The following PLEKHH1 variants were observed in gnomAD, a reference collection of about 807,000 sequenced individuals.
PLEKHH1 encodes the protein pleckstrin homology, MyTH4 and FERM domain containing H1, also known as pleckstrin homology domain-containing family H member 1.
Under a neutral mutation model 160.0 loss-of-function variants are expected in PLEKHH1, and 104 were observed. The ratio of observed to expected loss-of-function variants is 0.65; its 90% confidence interval spans 0.55 to 0.76. The LOEUF (loss-of-function observed/expected upper bound fraction) is 0.76, where lower values mean the gene tolerates loss of function less well. Ranked by LOEUF, PLEKHH1 falls within the 30% of genes least tolerant of loss-of-function variation. PLEKHH1 has a pLI of 0.00. For synonymous variants in PLEKHH1, 619 were observed against 678.4 expected, an observed-to-expected ratio of 0.91 and a Z score of 1.36; for missense variants, 1,427 against 1,724.1, an observed-to-expected ratio of 0.83 and a Z score of 3.05.
At chr14:67,577,499 C>A in intron 18 of PLEKHH1, 85 bp downstream of exon 18, 1 of 858,830 alleles carries the variant, frequency 1.2e-6, no homozygotes, top group South Asian at 1.4e-5. Context: ...GGACAACCCA[C>A]AGAGGGATCT....
At position 67,586,719 on chromosome 14, in the gene PLEKHH1, T is replaced by G. The variant is rs2036181298; in HGVS notation, c.3934-355T>G. 1.2e-5 allele frequency: 12 copies of G among 966,322 alleles called. No individual in the cohort carries two copies. The South Asian group carries it at 1.8e-4, about 15-fold the overall frequency. 59.9% of individuals were successfully genotyped at this position (966,322 alleles called of 1,614,324 possible). ...TCCTTTTTAATCCTAAAGTTAGAGT[T>G]TGCCAAACCTACTCCTCCTTTAATA... On this transcript the variant is annotated intron_variant, in intron 28 of 28. Transcript: ENST00000329153.
In PLEKHH1 at chr14:67,556,726, A is replaced by T. The variant is rs193219712; in HGVS notation, c.190-543A>T. Among the ~76,000 whole-genome samples, 741 of 152,316 alleles carry T rather than the reference A, an allele frequency of 4.9e-3. 5 individuals are homozygous for T. Among genetic ancestry groups the T allele is most frequent in the African/African-American group, 0.017 (710 of 41,568 alleles). On this transcript the variant is annotated intron_variant, in intron 3 of 28. Transcript: ENST00000329153. ...AATATAGCAAGATCTTATCTGTTTT[A>T]AAAAAATTTTAAATAAATATATACA...
intron 28 of PLEKHH1, 128 bp from the exon 29 acceptor site, chr14:67,586,946 C>T (rs1162802026): frequency 3.2e-6 from 5 of 1,544,002 alleles, no homozygotes; most frequent in African/African-American, 1.4e-5. Flanking sequence ...ATATTTTCTC[C>T]CAGGTGGGTA....
intron 1 of PLEKHH1, among the ~76,000 whole-genome samples, chr14:67,538,819 A>G (rs562687485): frequency 6.6e-6 from 1 of 152,280 alleles, no homozygotes; most frequent in African/African-American, 2.4e-5. Context: ...GTTCAGAACC[A>G]TGATGTTACG....
chr14:67,572,697 T>C (rs1474665746), intron 11 of PLEKHH1, among the ~76,000 whole-genome samples: 2 of 152,196 alleles, frequency 1.3e-5, no homozygotes, highest in East Asian at 3.8e-4. Context: ...GCCCATCTTA[T>C]GGATGAGAAG....
chr14:67,561,915 G>A (rs2034853746), intron 5 of PLEKHH1, 39 bp from the exon 6 acceptor site: 2 of 1,428,212 alleles, frequency 1.4e-6, no homozygotes, highest in Non-Finnish European at 2.0e-6. Flanking sequence ...TAAACCTGTA[G>A]GCTGGGTGTC....
At chr14:67,577,199 A>G in intron 17 of PLEKHH1, 103 bp from the exon 18 acceptor site, 3 of 777,570 alleles carry the variant, frequency 3.9e-6, no homozygotes, top group Non-Finnish European at 6.4e-6. Flanking sequence ...TTGACGGAAG[A>G]TAAACCACTA....
In PLEKHH1 at chr14:67,573,934, G is replaced by T; in HGVS notation, c.1926+47G>T. On this transcript the variant is annotated intron_variant, in intron 13 of 28. Coordinates refer to ENST00000329153, the MANE Select transcript of PLEKHH1 (RefSeq NM_020715.3). The surrounding 1 kb of genome is among the most constrained non-coding windows in gnomAD (Gnocchi z 4.8). The stretch of plus-strand genomic sequence containing the variant: ...AGTATTTTAAACAGAAGAGGTGCTG[G>T]GTTTGGATATGGCCGTGAGTGAGAC... The T allele has an allele frequency of 7.2e-7, 1 of 1,393,786 alleles. No individual in the cohort carries two copies. Among genetic ancestry groups the T allele is most frequent in the South Asian group, 1.2e-5 (1 of 86,768 alleles). 86.3% of individuals were successfully genotyped at this position (1,393,786 alleles called of 1,614,324 possible).
At chr14:67,545,945 T>TAA (rs60607551) in intron 2 of PLEKHH1, among the ~76,000 whole-genome samples, 15 of 140,936 alleles carry the variant, frequency 1.1e-4, no homozygotes, top group South Asian at 6.7e-4. Flanking sequence ...GCTCTGCTGC[T>TAA]AAAAAAAAAA....
intron 28 of PLEKHH1, 26 bp from the exon 29 acceptor site, chr14:67,587,048 C>T (rs1203232668): frequency 7.1e-6 from 11 of 1,557,988 alleles, no homozygotes; most frequent in Non-Finnish European, 6.1e-6. Flanking sequence ...TAGTTCAATT[C>T]CTTCACATCT....
intron 15 of PLEKHH1, 166 bp from the exon 16 acceptor site, chr14:67,575,657 C>G: frequency 1.4e-6 from 1 of 702,742 alleles, no homozygotes. Context: ...TCCAAGCAAG[C>G]CTCATTCTGC....
At chr14:67,534,244 T>C (rs1179506239) in intron 1 of PLEKHH1, among the ~76,000 whole-genome samples, 1 of 152,136 alleles carries the variant, frequency 6.6e-6, no homozygotes, top group African/African-American at 2.4e-5. Context: ...CTGCATATTA[T>C]TGGCCCCATT....
intron 8 of PLEKHH1, 69 bp from the exon 9 acceptor site, chr14:67,569,852 C>A: frequency 2.0e-6 from 2 of 987,788 alleles, no homozygotes; most frequent in South Asian, 1.4e-5. Flanking sequence ...CTGCCCAGTT[C>A]TCTGCTTCCC....
chr14:67,572,230 C>T lies in PLEKHH1; in HGVS notation c.1681C>T (p.Leu561=). 6.2e-7 allele frequency: 1 copy of T among 1,609,066 alleles called. No individual in the cohort carries two copies. The highest frequency in any genetic ancestry group is 8.5e-7 in the Non-Finnish European group (1 of 1,178,150). Residue 561 remains leucine, a synonymous_variant, in exon 11 of 29, where the codon CTG becomes TTG. Coordinates refer to ENST00000329153, the MANE Select transcript of PLEKHH1 (RefSeq NM_020715.3). ...DSDYSEPEHK[L]QRTSSYSTDG... is the part of the protein sequence containing the mutation. ...TGACTACTCAGAGCCTGAGCACAAACTGCAGCGCACCTCATCCTACTCCAC... is the reference window on the plus strand; with the variant it reads ...TGACTACTCAGAGCCTGAGCACAAATTGCAGCGCACCTCATCCTACTCCAC...
chr14:67,567,549 A>G (rs74056305), intron 7 of PLEKHH1, among the ~76,000 whole-genome samples: 1,962 of 152,198 alleles, frequency 0.013, 57 homozygotes, highest in African/African-American at 0.044. Flanking sequence ...CTACACGAGC[A>G]CAGAAACTCC....
Position 67,579,218 on chromosome 14 carries a change from G to A in PLEKHH1, c.2934G>A (p.Ser978=), listed in dbSNP as rs6573781. The A allele has an allele frequency of 0.77, 1,247,507 of 1,610,228 alleles. 487,393 individuals are homozygous for A. Among genetic ancestry groups the A allele is most frequent in the Non-Finnish European group, 0.8 (945,659 of 1,178,364 alleles). The change falls in exon 21 of 29, where the codon TCG becomes TCA. Residue 978 remains serine, a synonymous_variant. Transcript: ENST00000329153. ...CCGGGGAGCGGGAAGCCAGGCCATCGCGCATGGAAGTGGTGTCCATCCTGC... is the reference window on the plus strand; with the variant it reads ...CCGGGGAGCGGGAAGCCAGGCCATCACGCATGGAAGTGGTGTCCATCCTGC... ...LRTGEREARP[S]RMEVVSILLR...
At chr14:67,547,109 T>C (rs1015870009) in intron 2 of PLEKHH1, among the ~76,000 whole-genome samples, 1 of 152,120 alleles carries the variant, frequency 6.6e-6, no homozygotes, top group African/African-American at 2.4e-5. Context: ...GTAACCAGAA[T>C]GTCTTCACAT....
chr14:67,572,320 A>T, intron 11 of PLEKHH1, 43 bp downstream of exon 11: 1 of 1,518,970 alleles, frequency 6.6e-7, no homozygotes, highest in Non-Finnish European at 8.8e-7. Flanking sequence ...AGCAGAATGC[A>T]GCAGAGGCTG....
chr14:67,579,532 C>A, intron 21 of PLEKHH1, 189 bp from the exon 22 acceptor site: 1 of 655,238 alleles, frequency 1.5e-6, no homozygotes, highest in Non-Finnish European at 2.6e-6. Context: ...ATGCCCAGTT[C>A]ATTTACAGTG....
Sources: allele counts gnomAD v4.1 joint callset (sites outside exome capture counted in the v4.1 genomes callset), GRCh38; gene constraint gnomAD v4.1.1; non-coding constraint Gnocchi (gnomAD v3.1); transcripts MANE v1.5; gene names NCBI Gene and HGNC (gene_info 2026-07-23, HGNC 2026-07-21).